AQP7B: variants seen among roughly 807,000 people sequenced by gnomAD.
The protein encoded by AQP7B is aquaporin 7B.
chr2:94,591,153 C>G, the AQP7B span, among the ~76,000 whole-genome samples: 1 of 151,906 alleles, frequency 6.6e-6, no homozygotes, highest in Non-Finnish European at 1.5e-5. Context: ...GCTCAGATGA[C>G]AATCTGTGAT....
chr2:94,595,833 G>GA, the AQP7B span, among the ~76,000 whole-genome samples: 2 of 152,132 alleles, frequency 1.3e-5, no homozygotes, highest in East Asian at 1.9e-4. Flanking sequence ...ATGCCTGTGG[G>GA]GAAATCCAGG....
chr2:94,589,962 C>G, the AQP7B span, among the ~76,000 whole-genome samples: 1 of 152,170 alleles, frequency 6.6e-6, no homozygotes. Context: ...TACCACCACC[C>G]TACTCCCCCA....
chr2:94,594,835 G>A, the AQP7B span: 1 of 1,558,366 alleles, frequency 6.4e-7, no homozygotes, highest in Non-Finnish European at 8.8e-7. Flanking sequence ...GATGGTGCGA[G>A]AGTTCTTGGC....
the AQP7B span, among the ~76,000 whole-genome samples, chr2:94,588,062 C>CTGTGTG: frequency 9.4e-5 from 14 of 148,644 alleles, no homozygotes; most frequent in East Asian, 7.8e-4. Context: ...TGTTCACCTT[C>CTGTGTG]TGTGTGTGTG....
the AQP7B span, chr2:94,604,589 G>A: frequency 6.5e-7 from 1 of 1,548,346 alleles, no homozygotes; most frequent in Non-Finnish European, 8.7e-7. Context: ...GATTATTTGT[G>A]ATCCCATCCC....
At chr2:94,603,653 C>A in the AQP7B span, 2 of 1,311,206 alleles carry the variant, frequency 1.5e-6, no homozygotes, top group Non-Finnish European at 2.1e-6. Flanking sequence ...TGGGCCACTG[C>A]CGATGTCCTG....
chr2:94,598,669 A>G, the AQP7B span, among the ~76,000 whole-genome samples: 2 of 152,286 alleles, frequency 1.3e-5, no homozygotes, highest in Non-Finnish European at 2.9e-5. Context: ...TTCAAGAGAG[A>G]CGGAAACTTC....
the AQP7B span, among the ~76,000 whole-genome samples, chr2:94,588,992 T>TC: frequency 1.3e-5 from 2 of 149,478 alleles, no homozygotes; most frequent in Non-Finnish European, 3.0e-5. Flanking sequence ...TCTTTTTTTT[T>TC]TTTTTTTTGA....
the AQP7B span, among the ~76,000 whole-genome samples, chr2:94,601,101 G>A: frequency 6.6e-6 from 1 of 152,162 alleles, no homozygotes; most frequent in African/African-American, 2.4e-5. Context: ...AGGCATGCAT[G>A]GAGCAGCGCA....
chr2:94,603,526 C>T, the AQP7B span: 1 of 1,592,062 alleles, frequency 6.3e-7, no homozygotes, highest in Non-Finnish European at 8.6e-7. Context: ...ATGAGTACCC[C>T]TCCCCCTGCC....
At chr2:94,588,775 G>A in the AQP7B span, among the ~76,000 whole-genome samples, 1 of 151,176 alleles carries the variant, frequency 6.6e-6, no homozygotes, top group African/African-American at 2.4e-5. Flanking sequence ...ACTTGGATGA[G>A]GGTCAAGGCA....
At chr2:94,591,056 G>C in the AQP7B span, among the ~76,000 whole-genome samples, 1 of 151,922 alleles carries the variant, frequency 6.6e-6, no homozygotes, top group Non-Finnish European at 1.5e-5. Flanking sequence ...CTGGTTGGCT[G>C]TCAGTTTCTT....
the AQP7B span, chr2:94,603,774 A>G: frequency 5.8e-6 from 9 of 1,540,322 alleles, no homozygotes; most frequent in African/African-American, 1.4e-5. Flanking sequence ...AGAACAACCC[A>G]GCACTGCCAG....
chr2:94,592,540 TGAA>T, the AQP7B span, among the ~76,000 whole-genome samples: 1 of 152,098 alleles, frequency 6.6e-6, no homozygotes, highest in African/African-American at 2.4e-5. Context: ...TCCTCAGCCC[TGAA>T]GAAGAGACCC....
the AQP7B span, among the ~76,000 whole-genome samples, chr2:94,590,190 TTTC>T: frequency 6.6e-6 from 1 of 152,294 alleles, no homozygotes; most frequent in Non-Finnish European, 1.5e-5. Context: ...ACAAAAATTT[TTTC>T]TTTTTTTGAG....
At chr2:94,588,878 G>A in the AQP7B span, among the ~76,000 whole-genome samples, 1 of 151,194 alleles carries the variant, frequency 6.6e-6, no homozygotes, top group Non-Finnish European at 1.5e-5. Context: ...CCTTGCAATG[G>A]CCAAGGCCCT....
At chr2:94,594,446 A>G in the AQP7B span, among the ~76,000 whole-genome samples, 208 of 152,210 alleles carry the variant, frequency 1.4e-3, no homozygotes, top group African/African-American at 4.7e-3. Flanking sequence ...GGCACCGTGG[A>G]TTGCACTTTC....
chr2:94,595,619 G>A, the AQP7B span, among the ~76,000 whole-genome samples: 1 of 152,102 alleles, frequency 6.6e-6, no homozygotes, highest in South Asian at 2.1e-4. Flanking sequence ...GGACAGGCAA[G>A]GCTGGCAAGA....
At chr2:94,591,921 A>G in the AQP7B span, among the ~76,000 whole-genome samples, 4 of 152,164 alleles carry the variant, frequency 2.6e-5, no homozygotes, top group Non-Finnish European at 5.9e-5. Flanking sequence ...ATCACACTGC[A>G]TAGTAATTGC....
Sources: gnomAD v4.1 joint callset for allele counts (sites outside exome capture counted in the v4.1 genomes callset) on GRCh38, gnomAD v4.1.1 for gene constraint, MANE v1.5 for transcripts, NCBI Gene and HGNC (gene_info 2026-07-23, HGNC 2026-07-21) for gene names.